BRD10: variants seen among roughly 807,000 people sequenced by gnomAD.
BRD10 encodes the protein bromodomain containing 10.
chr9:5,886,625 T>C, the BRD10 span, among the ~76,000 whole-genome samples: 1 of 152,164 alleles, frequency 6.6e-6, no homozygotes, highest in Non-Finnish European at 1.5e-5. Flanking sequence ...GGGACTAGAT[T>C]GCCAGGGGAG....
the BRD10 span, among the ~76,000 whole-genome samples, chr9:5,941,543 A>G: frequency 5.9e-5 from 9 of 152,160 alleles, no homozygotes; most frequent in Non-Finnish European, 1.3e-4. Context: ...TTTTGACTAA[A>G]CCCCTAAATG....
At chr9:5,917,678 C>A in the BRD10 span, among the ~76,000 whole-genome samples, 1 of 152,138 alleles carries the variant, frequency 6.6e-6, no homozygotes, top group East Asian at 1.9e-4. Context: ...ATGGTGAAAC[C>A]CCATCTCTAC....
chr9:6,004,092 A>T, the BRD10 span, among the ~76,000 whole-genome samples: 1 of 151,928 alleles, frequency 6.6e-6, no homozygotes, highest in African/African-American at 2.4e-5. Flanking sequence ...GTAATATTCA[A>T]CTCCTTCAAG....
At chr9:5,880,800 G>T in the BRD10 span, among the ~76,000 whole-genome samples, 1,276 of 151,658 alleles carry the variant, frequency 8.4e-3, 17 homozygotes, top group African/African-American at 0.03. Flanking sequence ...CGCTTCCCAG[G>T]CTCAAGCAAT....
chr9:5,954,079 A>C, the BRD10 span: 1 of 1,550,314 alleles, frequency 6.5e-7, no homozygotes, highest in Non-Finnish European at 8.8e-7. Context: ...TTGCTTTTTT[A>C]GAGACGGATT....
chr9:6,007,703 C>T, the BRD10 span: 1 of 1,608,704 alleles, frequency 6.2e-7, no homozygotes, highest in Non-Finnish European at 8.5e-7. Context: ...ACCTCCTCCT[C>T]GTCGTCCTCT....
At chr9:5,892,621 C>A in the BRD10 span, 4 of 1,225,838 alleles carry the variant, frequency 3.3e-6, no homozygotes, top group South Asian at 1.4e-5. Context: ...TGACTTCCAC[C>A]AGTACATGCC....
chr9:5,943,169 G>C, the BRD10 span, among the ~76,000 whole-genome samples: 5 of 152,168 alleles, frequency 3.3e-5, 1 homozygote, highest in Admixed American at 3.3e-4. Flanking sequence ...GAGCCACTAC[G>C]CCTGGCTGTG....
At chr9:5,998,288 C>T in the BRD10 span, among the ~76,000 whole-genome samples, 1 of 28,024 alleles carries the variant, frequency 3.6e-5, no homozygotes, top group African/African-American at 5.3e-5. Context: ...AGGATGTACA[C>T]ATTTTAATTA....
chr9:5,959,749 T>G, the BRD10 span, among the ~76,000 whole-genome samples: 2 of 152,198 alleles, frequency 1.3e-5, no homozygotes, highest in African/African-American at 4.8e-5. Flanking sequence ...CATTACCTTC[T>G]CAGTCATTTC....
At chr9:5,921,575 A>C in the BRD10 span, 9 of 1,613,994 alleles carry the variant, frequency 5.6e-6, no homozygotes, top group Admixed American at 8.3e-5. Context: ...TGATACCAGC[A>C]TAAGTTTCTG....
the BRD10 span, chr9:5,969,386 A>T: frequency 1.2e-6 from 2 of 1,603,590 alleles, no homozygotes; most frequent in South Asian, 2.3e-5. Flanking sequence ...CCATTCTTCT[A>T]TTTCCTTTTG....
the BRD10 span, among the ~76,000 whole-genome samples, chr9:5,995,130 A>G: frequency 6.6e-6 from 1 of 151,850 alleles, no homozygotes; most frequent in Non-Finnish European, 1.5e-5. Context: ...CGAACTCCTG[A>G]CCTCAGTTGA....
At chr9:5,921,636 A>C in the BRD10 span, 1 of 1,613,932 alleles carries the variant, frequency 6.2e-7, no homozygotes, top group Non-Finnish European at 8.5e-7. Flanking sequence ...GTTGCTTCTG[A>C]CCTTGTAACA....
the BRD10 span, among the ~76,000 whole-genome samples, chr9:5,931,935 A>G: frequency 6.6e-6 from 1 of 152,276 alleles, no homozygotes; most frequent in South Asian, 2.1e-4. Flanking sequence ...TACTTAGAGT[A>G]AAAGGGAAAC....
chr9:5,981,734 A>T, the BRD10 span, among the ~76,000 whole-genome samples: 1 of 152,224 alleles, frequency 6.6e-6, no homozygotes, highest in Non-Finnish European at 1.5e-5. Context: ...CAACAGAAAT[A>T]CTTCAAAACG....
At chr9:5,944,751 T>C in the BRD10 span, 2 of 523,430 alleles carry the variant, frequency 3.8e-6, no homozygotes, top group South Asian at 3.2e-5. Context: ...AATGTTTCTA[T>C]CTTTCATGGT....
the BRD10 span, among the ~76,000 whole-genome samples, chr9:5,994,103 C>T: frequency 1.2e-4 from 19 of 152,228 alleles, no homozygotes; most frequent in Admixed American, 1.3e-4. Flanking sequence ...CAGCCAAGTA[C>T]GAAACCAAGA....
the BRD10 span, chr9:5,897,600 C>T: frequency 3.7e-6 from 6 of 1,614,150 alleles, no homozygotes; most frequent in Non-Finnish European, 5.1e-6. Context: ...GGGAGTCTTA[C>T]TGCTCATCGG....
Sources: gnomAD v4.1 joint callset for allele counts (sites outside exome capture counted in the v4.1 genomes callset) on GRCh38, gnomAD v4.1.1 for gene constraint, MANE v1.5 for transcripts, NCBI Gene and HGNC (gene_info 2026-07-23, HGNC 2026-07-21) for gene names.